Variants in CAPS2 observed in about 807,000 individuals in gnomAD.
The protein encoded by CAPS2 is calcyphosin-2.
Under a neutral mutation model 86.5 loss-of-function variants are expected in CAPS2, and 98 were observed. The ratio of observed to expected loss-of-function variants is 1.13; its 90% confidence interval spans 0.96 to 1.34. CAPS2 has a LOEUF of 1.34. CAPS2 is among the 40% of genes most tolerant of loss of function. The pLI is 0.00. For missense variants in CAPS2, 729 were observed against 686.8 expected, an observed-to-expected ratio of 1.06 and a Z score of -0.69; for synonymous variants, 210 against 225.1, an observed-to-expected ratio of 0.93 and a Z score of 0.60.
At chr12:75,299,003 G>T (rs1343205598) in intron 9 of CAPS2, 37 bp from the exon 10 acceptor site, 5 of 1,342,848 alleles carry the variant, frequency 3.7e-6, no homozygotes, top group Non-Finnish European at 5.2e-6. Flanking sequence ...TCTTCAAATA[G>T]AATAATTTTT....
chr12:75,309,540 A>G (rs1375400945), intron 7 of CAPS2, among the ~76,000 whole-genome samples: 2 of 152,228 alleles, frequency 1.3e-5, no homozygotes, highest in Non-Finnish European at 1.5e-5. Flanking sequence ...AATAAATTTG[A>G]TGATTAACTG....
At chr12:75,381,566 T>G (rs1445836129) in intron 1 of CAPS2, among the ~76,000 whole-genome samples, 1 of 151,330 alleles carries the variant, frequency 6.6e-6, no homozygotes, top group East Asian at 1.9e-4. Flanking sequence ...CTGTTCATTT[T>G]CTTCCTCTAT....
upstream of CAPS2, among the ~76,000 whole-genome samples, chr12:75,332,422 T>C (rs2041395762): frequency 6.6e-6 from 1 of 152,210 alleles, no homozygotes; most frequent in Admixed American, 6.5e-5. Context: ...TATCTTTGTA[T>C]TTATTTGTTC....
chr12:75,363,526 C>T (rs138367208), intron 1 of CAPS2, among the ~76,000 whole-genome samples: 1 of 152,024 alleles, frequency 6.6e-6, no homozygotes, highest in Non-Finnish European at 1.5e-5. Flanking sequence ...AGAATAGTGA[C>T]CCATTCAGAA....
chr12:75,388,192 A>G (rs1407635316), intron 1 of CAPS2, among the ~76,000 whole-genome samples: 1 of 152,148 alleles, frequency 6.6e-6, no homozygotes. Flanking sequence ...GTTCCCCTGC[A>G]CATGGTCTCT....
intron 1 of CAPS2, among the ~76,000 whole-genome samples, chr12:75,358,610 A>C (rs1164283192): frequency 6.6e-6 from 1 of 150,734 alleles, no homozygotes; most frequent in African/African-American, 2.4e-5. Flanking sequence ...ATAGTAAAAA[A>C]AAATTGTATG....
chr12:75,303,670 G>C (rs528734445), intron 8 of CAPS2, among the ~76,000 whole-genome samples: 1 of 152,258 alleles, frequency 6.6e-6, no homozygotes, highest in South Asian at 2.1e-4. Flanking sequence ...ACCTCCTCTG[G>C]CCCAACATGT....
At chr12:75,310,809 AC>A (rs774556825) in intron 7 of CAPS2, among the ~76,000 whole-genome samples, 1 of 151,574 alleles carries the variant, frequency 6.6e-6, no homozygotes, top group South Asian at 2.2e-4. Flanking sequence ...TTGTAGAAGG[AC>A]CTTTTTCTTG....
At chr12:75,330,946 G>T (rs939393342), upstream of CAPS2, among the ~76,000 whole-genome samples, 1 of 151,976 alleles carries the variant, frequency 6.6e-6, no homozygotes, top group African/African-American at 2.4e-5. Context: ...CACCACGCCC[G>T]GTTAATATTT....
intron 1 of CAPS2, among the ~76,000 whole-genome samples, chr12:75,356,359 A>G (rs995281938): frequency 1.3e-5 from 2 of 152,168 alleles, no homozygotes; most frequent in African/African-American, 4.8e-5. Flanking sequence ...ATGTTTTCTT[A>G]TTTAATTCTC....
chr12:75,333,836 A>T (rs1243525560), upstream of CAPS2: 2 of 152,026 alleles, frequency 1.3e-5, no homozygotes, highest in African/African-American at 4.8e-5. Context: ...TAGAAATACT[A>T]AAAAAAATTA....
At position 75,308,265 on chromosome 12, in the gene CAPS2, C is replaced by T. The variant is rs1198030497; in HGVS notation, c.660-3389G>A. On this transcript the variant is annotated intron_variant, in intron 7 of 16. Coordinates refer to ENST00000393284, the Ensembl canonical transcript of CAPS2. ...TTAGACTGATTGCAGGCCACTTCTT[C>T]ATTTACATAGACAAAGTAGACAAAG... Among the ~76,000 whole-genome samples the T allele has an allele frequency of 2.0e-5, 3 of 152,136 alleles. No homozygotes were observed. The East Asian group carries it at 5.8e-4, about 29-fold the overall frequency.
At chr12:75,314,203 A>G (rs910281744) in intron 6 of CAPS2, among the ~76,000 whole-genome samples, 6 of 152,186 alleles carry the variant, frequency 3.9e-5, no homozygotes, top group African/African-American at 1.4e-4. Flanking sequence ...TATAGGTATG[A>G]GCCACCATGG....
chr12:75,356,919 C>T (rs1259284143), intron 1 of CAPS2, among the ~76,000 whole-genome samples: 3 of 152,022 alleles, frequency 2.0e-5, no homozygotes, highest in South Asian at 2.1e-4. Context: ...CTAGGCACAA[C>T]AGCAGACACG....
chr12:75,309,373 C>CA (rs1354277218), intron 7 of CAPS2, among the ~76,000 whole-genome samples: 9 of 152,188 alleles, frequency 5.9e-5, no homozygotes, highest in African/African-American at 9.7e-5. Flanking sequence ...TTCAGGACAC[C>CA]AAGAACCTGG....
At chr12:75,293,417 A>G (rs2036352354) in intron 11 of CAPS2, 50 bp from the exon 12 acceptor site, 1 of 1,089,158 alleles carries the variant, frequency 9.2e-7, no homozygotes, top group Non-Finnish European at 1.4e-6. Context: ...AAGAAATAAA[A>G]TATAACTAAC....
At chr12:75,378,284 G>A (rs2044768888) in intron 1 of CAPS2, among the ~76,000 whole-genome samples, 1 of 152,188 alleles carries the variant, frequency 6.6e-6, no homozygotes, top group African/African-American at 2.4e-5. Flanking sequence ...ATAGGCATGA[G>A]CCACTGCGCC....
chr12:75,298,968 T>C lies in CAPS2; in HGVS notation c.855-2A>G, dbSNP rs756857688. On this transcript the variant is annotated splice_acceptor_variant, in intron 9 of 16. Coordinates refer to ENST00000393284, the Ensembl canonical transcript of CAPS2. LOFTEE classifies it high-confidence loss of function. Reference sequence around the variant, plus strand: ...TCTCTGCAAGCATCACGTCCATTACTGGAAAAATAGAATGAAATCAAACAT... The same window carrying C: ...TCTCTGCAAGCATCACGTCCATTACCGGAAAAATAGAATGAAATCAAACAT... The C allele has an allele frequency of 1.8e-5, 28 of 1,563,374 alleles. No individual in the cohort carries two copies. Among genetic ancestry groups the C allele is most frequent in the Non-Finnish European group, 2.3e-5 (26 of 1,152,648 alleles).
At chr12:75,314,681 A>G (rs1288256863) in intron 6 of CAPS2, among the ~76,000 whole-genome samples, 2 of 152,200 alleles carry the variant, frequency 1.3e-5, no homozygotes, top group East Asian at 3.8e-4. Context: ...AAACATTAAA[A>G]TTATACACAG....
Sources: gnomAD v4.1 joint callset for allele counts (sites outside exome capture counted in the v4.1 genomes callset) on GRCh38, gnomAD v4.1.1 for gene constraint, MANE v1.5 for transcripts, NCBI Gene and HGNC (gene_info 2026-07-23, HGNC 2026-07-21) for gene names.